PGBD5: variants seen among roughly 807,000 people sequenced by gnomAD.
The protein encoded by PGBD5 is piggyBac transposable element derived 5, also known as piggyBac transposable element-derived protein 5.
In PGBD5, 14 loss-of-function variants were observed where a neutral mutation model predicts 47.9. The observed-to-expected ratio is 0.29, with a 90% CI of 0.19 to 0.46. PGBD5 has a LOEUF of 0.46. Ranked by LOEUF, PGBD5 falls within the 20% of genes least tolerant of loss-of-function variation. PGBD5 has a pLI of 1.00. For synonymous variants in PGBD5, 316 were observed against 306.3 expected, an observed-to-expected ratio of 1.03 and a Z score of -0.33; for missense variants, 635 against 716.0, an observed-to-expected ratio of 0.89 and a Z score of 1.29.
chr1:230,382,547 G>T (rs952468336), intron 1 of PGBD5, among the ~76,000 whole-genome samples: 2 of 152,184 alleles, frequency 1.3e-5, no homozygotes, highest in Non-Finnish European at 2.9e-5. Context: ...GATATAGGGT[G>T]ACCAGCTATT....
rs1666958661 is a variant in PGBD5 at position 230,316,761 on chromosome 1, A to AG, written c.*6663dup. The AG allele has an allele frequency of 6.6e-6, 1 of 152,102 alleles. No homozygotes were observed. Among genetic ancestry groups the AG allele is most frequent in the Admixed American group, 6.5e-5 (1 of 15,276 alleles). The allele number at this position is 152,102 out of a possible 1,614,324, so 9.4% of individuals were successfully genotyped here. ...TACTTCCTTGGAGAAAACAGAAGCA[A>AG]GCATAAGACACTGTGGAAATGAAAG... On this transcript the variant is annotated 3_prime_UTR_variant, in exon 7 of 7. Transcript: ENST00000391860.
intron 1 of PGBD5, among the ~76,000 whole-genome samples, chr1:230,376,084 A>C (rs1461300356): frequency 6.8e-6 from 1 of 146,670 alleles, no homozygotes; most frequent in African/African-American, 2.5e-5. Flanking sequence ...TTTGACAGGG[A>C]GCAACAGAGA....
chr1:230,388,651 A>G (rs111484011), intron 1 of PGBD5, among the ~76,000 whole-genome samples: 7,977 of 152,118 alleles, frequency 0.052, 225 homozygotes, highest in South Asian at 0.073. Context: ...TCCTGACCTC[A>G]TGATCCACCT....
chr1:230,319,811 C>G lies in PGBD5; in HGVS notation c.*3614G>C, dbSNP rs1667009019. On this transcript the variant is annotated 3_prime_UTR_variant, in exon 7 of 7. Coordinates refer to ENST00000391860, the MANE Select transcript of PGBD5 (RefSeq NM_001258311.2). ...TTGAAAGATGTCCCTAGTATAATGT[C>G]CCATGGACCACGGGAAGACGTTGTT... The G allele has an allele frequency of 6.6e-6, 1 of 150,572 alleles. No homozygotes were observed. The highest frequency in any genetic ancestry group is 2.0e-4 in the East Asian group (1 of 5,102). 9.3% of individuals were successfully genotyped at this position (150,572 alleles called of 1,614,324 possible).
chr1:230,327,233 A>G (rs528581786), intron 5 of PGBD5, among the ~76,000 whole-genome samples: 1 of 151,516 alleles, frequency 6.6e-6, no homozygotes, highest in Non-Finnish European at 1.5e-5. Flanking sequence ...TTTTTAAGGC[A>G]TTGGCTCACA....
At chr1:230,423,868 T>C (rs1205218227) in intron 1 of PGBD5, among the ~76,000 whole-genome samples, 2 of 152,222 alleles carry the variant, frequency 1.3e-5, no homozygotes, top group Admixed American at 6.5e-5. Context: ...AACCTAACGC[T>C]AAATGACACA....
intron 2 of PGBD5, among the ~76,000 whole-genome samples, chr1:230,351,396 G>C (rs180795012): frequency 1.1e-3 from 160 of 152,240 alleles, no homozygotes; most frequent in Non-Finnish European, 2.5e-4. Context: ...AAGGTCCCTT[G>C]TCCCAACTCT....
At chr1:230,418,443 G>A (rs1023614106) in intron 1 of PGBD5, among the ~76,000 whole-genome samples, 1 of 152,188 alleles carries the variant, frequency 6.6e-6, no homozygotes, top group African/African-American at 2.4e-5. Context: ...TACCTCTGGG[G>A]ACAGGGAGGT....
intron 1 of PGBD5, among the ~76,000 whole-genome samples, chr1:230,418,497 A>T (rs1386222635): frequency 6.6e-6 from 1 of 152,102 alleles, no homozygotes. Flanking sequence ...GATGCTAAGA[A>T]TGTTTTTCTT....
In PGBD5 at chr1:230,402,738, T is replaced by G. The variant is rs1037711854; in HGVS notation, c.331+22860A>C. Reference sequence around the variant, plus strand: ...CCTTGGCTCAAGCAGTCCTTCCACCTTGGCCTTCCAAAGCACTGGGTTGAT... The same window carrying G: ...CCTTGGCTCAAGCAGTCCTTCCACCGTGGCCTTCCAAAGCACTGGGTTGAT... On this transcript the variant is annotated intron_variant, in intron 1 of 6. Coordinates refer to ENST00000391860, the MANE Select transcript of PGBD5 (RefSeq NM_001258311.2). Among the ~76,000 whole-genome samples, 14 of 152,210 alleles carry G rather than the reference T, an allele frequency of 9.2e-5. 1 individual carries two copies. The highest frequency in any genetic ancestry group is 7.2e-4 in the Admixed American group (11 of 15,282).
intron 1 of PGBD5, among the ~76,000 whole-genome samples, chr1:230,415,528 G>C (rs1010115013): frequency 6.6e-6 from 1 of 152,180 alleles, no homozygotes; most frequent in Admixed American, 6.5e-5. Context: ...CATCAAAATT[G>C]AATTTATCTA....
At chr1:230,347,476 C>CTTTTT (rs71733326) in intron 3 of PGBD5, among the ~76,000 whole-genome samples, 147 of 113,338 alleles carry the variant, frequency 1.3e-3, no homozygotes, top group Non-Finnish European at 1.5e-3. Flanking sequence ...ATTTTCTTTT[C>CTTTTT]TTTTTTTTTT....
intron 5 of PGBD5, among the ~76,000 whole-genome samples, chr1:230,329,987 A>G (rs1343115689): frequency 6.6e-6 from 1 of 152,234 alleles, no homozygotes; most frequent in Non-Finnish European, 1.5e-5. Flanking sequence ...TTTATGTTAA[A>G]TAATACTAAT....
intron 2 of PGBD5, among the ~76,000 whole-genome samples, chr1:230,352,195 G>T (rs2102702334): frequency 6.6e-6 from 1 of 152,286 alleles, no homozygotes. Context: ...TTTAAATATT[G>T]TCTGTGGTTG....
intron 1 of PGBD5, among the ~76,000 whole-genome samples, chr1:230,364,770 C>T (rs1014540504): frequency 6.6e-6 from 1 of 152,252 alleles, no homozygotes; most frequent in African/African-American, 2.4e-5. Context: ...CCTGTAATCC[C>T]AGCACGTTGG....
chr1:230,348,189 G>A (rs776827402), intron 3 of PGBD5, among the ~76,000 whole-genome samples: 1 of 152,230 alleles, frequency 6.6e-6, no homozygotes, highest in Non-Finnish European at 1.5e-5. Context: ...CCTGTGTACA[G>A]AACCCTACAT....
At chr1:230,329,354 T>C (rs1667178162) in intron 5 of PGBD5, among the ~76,000 whole-genome samples, 1 of 152,154 alleles carries the variant, frequency 6.6e-6, no homozygotes, top group Non-Finnish European at 1.5e-5. Context: ...AAAAAAAAAT[T>C]AACCAATTCC....
intron 1 of PGBD5, among the ~76,000 whole-genome samples, chr1:230,393,225 G>C (rs548769566): frequency 3.4e-5 from 5 of 145,670 alleles, no homozygotes; most frequent in Admixed American, 1.4e-4. Flanking sequence ...GGGAAAGGAG[G>C]AGAGGAGGAG....
At chr1:230,361,647 T>C (rs1177622769) in intron 1 of PGBD5, among the ~76,000 whole-genome samples, 1 of 152,206 alleles carries the variant, frequency 6.6e-6, no homozygotes, top group Non-Finnish European at 1.5e-5. Flanking sequence ...AAAGGAGATG[T>C]TCCATTTATA....
Sources: allele counts gnomAD v4.1 joint callset (sites outside exome capture counted in the v4.1 genomes callset), GRCh38; gene constraint gnomAD v4.1.1; transcripts MANE v1.5; gene names NCBI Gene and HGNC (gene_info 2026-07-23, HGNC 2026-07-21).